KCNT2: variants seen among roughly 807,000 people sequenced by gnomAD.
KCNT2 encodes the protein potassium sodium-activated channel subfamily T member 2.
KCNT2 carries 67 observed loss-of-function variants against 153.8 expected under a neutral mutation model. The ratio of observed to expected loss-of-function variants is 0.44; its 90% CI spans 0.36 to 0.53. KCNT2 has a LOEUF of 0.53. KCNT2 is among the 20% of genes least tolerant of loss of function. The pLI, the probability that KCNT2 is intolerant of heterozygous loss-of-function variation, is 0.00. For missense variants in KCNT2, 975 were observed against 1,354.8 expected (o/e 0.72, Z 4.40); for synonymous variants, 500 against 458.8 (o/e 1.09, Z -1.15).
intron 26 of KCNT2, among the ~76,000 whole-genome samples, chr1:196,250,252 A>G (rs1294241199): frequency 6.6e-6 from 1 of 152,138 alleles, no homozygotes; most frequent in South Asian, 2.1e-4. Context: ...ACACAGCATG[A>G]AACATGGTAC....
chr1:196,471,062 T>C (rs1678062370), intron 5 of KCNT2, among the ~76,000 whole-genome samples: 1 of 151,408 alleles, frequency 6.6e-6, no homozygotes, highest in Admixed American at 6.6e-5. Context: ...TTTTTTATTC[T>C]TTTTTTAATT....
chr1:196,514,471 A>C (rs1447693621), intron 1 of KCNT2, among the ~76,000 whole-genome samples: 1 of 152,200 alleles, frequency 6.6e-6, no homozygotes, highest in African/African-American at 2.4e-5. Flanking sequence ...ATGTTCTTCT[A>C]TGTGGGGAAA....
At chr1:196,445,123 C>T (rs1437828014) in intron 8 of KCNT2, among the ~76,000 whole-genome samples, 2 of 151,322 alleles carry the variant, frequency 1.3e-5, no homozygotes, top group African/African-American at 4.8e-5. Context: ...TTAGCTTACA[C>T]ACTATTTCCA....
Position 196,258,202 on chromosome 1 carries a change from A to G in KCNT2, c.3203T>C (p.Val1068Ala). The G allele has an allele frequency of 6.2e-7, 1 of 1,613,782 alleles. No individual in the cohort carries two copies. Residue 1068 changes from valine (V) to alanine (A), a missense_variant, in exon 26 of 28, where the codon GTG becomes GCG. Physicochemically the swap from Val to Ala is moderately conservative, Grantham distance 64. This residue lies in a region of KCNT2 where 241 missense variants were observed against 271.1 expected (regional missense o/e 0.89). Coordinates refer to ENST00000294725, the MANE Select transcript of KCNT2 (RefSeq NM_198503.5). ...NRMKHLGLSTVGYDEMNDHQS... is the reference protein window; with the variant it reads ...NRMKHLGLSTAGYDEMNDHQS... ...GTTTTTAAAGAGCATACCATATCCC[A>G]CTGTAGAAAGACCCAAGTGTTTCAT...
chr1:196,295,477 C>CAA (rs57350716), intron 22 of KCNT2, among the ~76,000 whole-genome samples: 1 of 135,996 alleles, frequency 7.4e-6, no homozygotes. Flanking sequence ...GTCTGAAAAC[C>CAA]AAAAAAAAAA....
intron 1 of KCNT2, among the ~76,000 whole-genome samples, chr1:196,561,637 A>G (rs1284195667): frequency 2.4e-5 from 3 of 125,100 alleles, no homozygotes; most frequent in Non-Finnish European, 5.2e-5. Flanking sequence ...CTGGACACAG[A>G]GCGAGACTTC....
Position 196,280,988 on chromosome 1 carries a change from T to A in KCNT2, c.2782A>T (p.Met928Leu), listed in dbSNP as rs763867264. Reference sequence around the variant, plus strand: ...CATAAGTCATCTGCAGTGATTTTCATCTATAACACACACAAATTATTTACA... The same window carrying A: ...CATAAGTCATCTGCAGTGATTTTCAACTATAACACACACAAATTATTTACA... ...TTPGSGFLCS[M>L]KITADDLWIR... The change falls in exon 25 of 28, where the codon ATG (methionine) becomes TTG (leucine). Residue 928 changes from methionine (M) to leucine (L), a missense_variant and splice_region_variant. This residue lies in a region of KCNT2 where 241 missense variants were observed against 271.1 expected (regional missense o/e 0.89). Coordinates refer to ENST00000294725, the MANE Select transcript of KCNT2 (RefSeq NM_198503.5). 1 of 1,605,060 alleles carries A rather than the reference T, an allele frequency of 6.2e-7. No homozygotes were observed. The highest frequency in any genetic ancestry group is 2.2e-5 in the East Asian group (1 of 44,770).
chr1:196,482,658 C>G (rs1679106109), intron 3 of KCNT2, among the ~76,000 whole-genome samples: 1 of 151,898 alleles, frequency 6.6e-6, no homozygotes, highest in Admixed American at 6.6e-5. Flanking sequence ...TAACCTTAAA[C>G]CCTTTACTGG....
chr1:196,586,788 C>T (rs1572902930), intron 1 of KCNT2, among the ~76,000 whole-genome samples: 2 of 152,126 alleles, frequency 1.3e-5, no homozygotes, highest in South Asian at 4.1e-4. Context: ...CCATTACAAA[C>T]TATATATTCT....
intron 15 of KCNT2, 143 bp from the exon 16 acceptor site, chr1:196,340,713 C>G (rs879692194): frequency 1.7e-5 from 10 of 594,812 alleles, no homozygotes; most frequent in Admixed American, 3.4e-5. Context: ...GGAAAATAAA[C>G]TATGTGCTTA....
chr1:196,437,782 A>T (rs1016784676), intron 8 of KCNT2, among the ~76,000 whole-genome samples: 3 of 151,440 alleles, frequency 2.0e-5, no homozygotes, highest in African/African-American at 7.3e-5. Context: ...GCTACCTAAC[A>T]TTATAAAAGT....
At chr1:196,548,777 T>C (rs1332116357) in intron 1 of KCNT2, among the ~76,000 whole-genome samples, 1 of 152,064 alleles carries the variant, frequency 6.6e-6, no homozygotes, top group Non-Finnish European at 1.5e-5. Context: ...AATGATAGAC[T>C]GGATTAAGAA....
intron 16 of KCNT2, among the ~76,000 whole-genome samples, chr1:196,334,471 A>ATTTC (rs1177566716): frequency 1.8e-4 from 9 of 50,482 alleles, no homozygotes; most frequent in African/African-American, 2.9e-4. Context: ...TTTTTCTTTT[A>ATTTC]TTTCTTTCTT....
At chr1:196,574,821 T>C (rs958108932) in intron 1 of KCNT2, among the ~76,000 whole-genome samples, 1 of 152,138 alleles carries the variant, frequency 6.6e-6, no homozygotes, top group Admixed American at 6.5e-5. Flanking sequence ...AAAACATACA[T>C]AAGAAGGGTT....
chr1:196,525,554 C>T (rs992189685), intron 1 of KCNT2, among the ~76,000 whole-genome samples: 2 of 152,130 alleles, frequency 1.3e-5, no homozygotes, highest in East Asian at 1.9e-4. Flanking sequence ...CAGATAATCA[C>T]CAATCTGTAT....
intron 1 of KCNT2, among the ~76,000 whole-genome samples, chr1:196,521,364 T>G (rs1255030955): frequency 6.6e-6 from 1 of 152,130 alleles, no homozygotes; most frequent in Non-Finnish European, 1.5e-5. Context: ...GTAAGTTAGT[T>G]TAACCATTGT....
intron 25 of KCNT2, among the ~76,000 whole-genome samples, chr1:196,280,486 G>A (rs1571890268): frequency 1.3e-5 from 2 of 152,014 alleles, no homozygotes; most frequent in African/African-American, 4.8e-5. Flanking sequence ...ATGCAGTAGG[G>A]GTATACATTA....
At chr1:196,247,491 G>A (rs1043503576) in intron 26 of KCNT2, among the ~76,000 whole-genome samples, 8 of 152,138 alleles carry the variant, frequency 5.3e-5, no homozygotes, top group African/African-American at 1.2e-4. Flanking sequence ...ATGAAGAACC[G>A]CCTGAGACTG....
In KCNT2 at chr1:196,331,220, C is replaced by T. The variant is rs1374363213; in HGVS notation, c.2039G>A (p.Ser680Asn). 6.2e-7 allele frequency: 1 copy of T among 1,608,236 alleles called. No individual in the cohort carries two copies. Among genetic ancestry groups the T allele is most frequent in the Admixed American group, 1.7e-5 (1 of 59,960 alleles). Residue 680 changes from serine to asparagine, a missense_variant, in exon 18 of 28, where the codon AGT becomes AAT. Around this residue, in one of 6 missense-constraint regions of KCNT2, gnomAD observed 325 missense variants for 388.1 expected, o/e 0.84. Coordinates refer to ENST00000294725, the MANE Select transcript of KCNT2 (RefSeq NM_198503.5). ...AAGGAGATGACAAAAAGTGGGTGAACTTCCTATATATGGAGAATAAGGTGG... is the reference window on the plus strand; with the variant it reads ...AAGGAGATGACAAAAAGTGGGTGAATTTCCTATATATGGAGAATAAGGTGG... ...GYPPYSPYIGSSPTFCHLLHE... is the reference protein window; with the variant it reads ...GYPPYSPYIGNSPTFCHLLHE...
Sources: gnomAD v4.1 joint callset for allele counts (sites outside exome capture counted in the v4.1 genomes callset) on GRCh38, gnomAD v4.1.1 for gene constraint, gnomAD v4.1.1 regional missense constraint, MANE v1.5 for transcripts, NCBI Gene and HGNC (gene_info 2026-07-23, HGNC 2026-07-21) for gene names.